Variants in B4GALNT3 observed in about 807,000 individuals in gnomAD.
The protein encoded by B4GALNT3 is beta-1,4-N-acetylgalactosaminyltransferase 3.
B4GALNT3 carries 86 observed loss-of-function variants against 120.2 expected under a neutral mutation model. The ratio of observed to expected loss-of-function variants is 0.72; its 90% confidence interval spans 0.60 to 0.86. The LOEUF (loss-of-function observed/expected upper bound fraction) is 0.86. Ranked by LOEUF, B4GALNT3 falls within the 40% of genes least tolerant of loss-of-function variation. The pLI is 0.00. For missense variants in B4GALNT3, 1,167 were observed against 1,298.9 expected, an observed-to-expected ratio of 0.90 and a Z score of 1.56; for synonymous variants, 518 against 510.4, an observed-to-expected ratio of 1.01 and a Z score of -0.20.
intron 1 of B4GALNT3, among the ~76,000 whole-genome samples, chr12:522,404 A>G (rs1369974572): frequency 6.6e-6 from 1 of 152,230 alleles, no homozygotes; most frequent in East Asian, 1.9e-4. Context: ...GAAAAGCCAG[A>G]CACAAAAGGA....
At chr12:468,855 T>C (rs77085468) in intron 1 of B4GALNT3, among the ~76,000 whole-genome samples, 2,383 of 152,322 alleles carry the variant, frequency 0.016, 29 homozygotes, top group Middle Eastern at 0.031. Flanking sequence ...TGTCTCACTC[T>C]GCACAGCTCA....
At chr12:511,292 G>C (rs1187643741) in intron 1 of B4GALNT3, among the ~76,000 whole-genome samples, 115 of 31,870 alleles carry the variant, frequency 3.6e-3, no homozygotes, top group Middle Eastern at 0.022. Flanking sequence ...TTCCACCTTC[G>C]ACCTTCCACC....
At chr12:532,188 A>G (rs1041624157) in intron 1 of B4GALNT3, among the ~76,000 whole-genome samples, 3 of 152,174 alleles carry the variant, frequency 2.0e-5, no homozygotes, top group African/African-American at 7.2e-5. Context: ...CCTACTCCTT[A>G]AATCCATGAG....
chr12:476,322 A>G (rs544001299), intron 1 of B4GALNT3, among the ~76,000 whole-genome samples: 71 of 152,338 alleles, frequency 4.7e-4, no homozygotes, highest in Middle Eastern at 3.4e-3. Context: ...AGTGGCTCAC[A>G]TCTGTAATCG....
At chr12:505,010 C>A (rs913052404) in intron 1 of B4GALNT3, among the ~76,000 whole-genome samples, 2 of 152,050 alleles carry the variant, frequency 1.3e-5, no homozygotes, top group African/African-American at 4.8e-5. Flanking sequence ...CCTGCCTCAG[C>A]CTCCCGAGTA....
chr12:538,560 CAAAAAA>C (rs771053015), intron 3 of B4GALNT3, among the ~76,000 whole-genome samples: 2 of 64,066 alleles, frequency 3.1e-5, no homozygotes, highest in African/African-American at 1.1e-4. Context: ...AACCCCATCT[CAAAAAA>C]AAAAAAAAAA....
intron 1 of B4GALNT3, among the ~76,000 whole-genome samples, chr12:486,431 A>G (rs1278943060): frequency 2.0e-5 from 3 of 151,846 alleles, no homozygotes; most frequent in African/African-American, 7.3e-5. Flanking sequence ...GCTGGTCTTG[A>G]ACTCCTGACC....
chr12:512,553 G>GTCCTTCC (rs1379437749), intron 1 of B4GALNT3, among the ~76,000 whole-genome samples: 4 of 56,042 alleles, frequency 7.1e-5, no homozygotes, highest in East Asian at 6.1e-4. Context: ...TTCCACCTTC[G>GTCCTTCC]ACCTTCCACC....
rs929394997 is a variant in B4GALNT3 at position 549,973 on chromosome 12, C to T, written c.997+61C>T. On this transcript the variant is annotated intron_variant, in intron 10 of 19. Coordinates refer to ENST00000266383, the MANE Select transcript of B4GALNT3 (RefSeq NM_173593.4). ...GGACACTGCACTGCCAGGTCCACTG[C>T]TGATGGTGGAGAAGGCTTGAGAGAC... The T allele has an allele frequency of 7.2e-6, 11 of 1,524,268 alleles. No individual in the cohort carries two copies. In the Admixed American group the frequency reaches 7.9e-5, roughly 11 times the overall value. 94.4% of individuals were successfully genotyped at this position (1,524,268 alleles called of 1,614,324 possible). A position where few individuals can be genotyped will look rare whatever the true frequency, so the allele number is the denominator to read the frequency against.
At chr12:506,577 T>C (rs962103703) in intron 1 of B4GALNT3, among the ~76,000 whole-genome samples, 4 of 152,182 alleles carry the variant, frequency 2.6e-5, no homozygotes, top group African/African-American at 4.8e-5. Flanking sequence ...GCCTCTGTGA[T>C]GCCTGTACAC....
At chr12:541,927 G>A (rs1436497485) in intron 3 of B4GALNT3, among the ~76,000 whole-genome samples, 5 of 147,348 alleles carry the variant, frequency 3.4e-5, no homozygotes, top group African/African-American at 1.3e-4. Flanking sequence ...CTCCCCCACT[G>A]CCCTCCCTCC....
chr12:553,724 G>GGACA lies in B4GALNT3; in HGVS notation c.1802_1805dup (p.Val603ThrfsTer19). 6.2e-7 allele frequency: 1 copy of GGACA among 1,614,170 alleles called. No individual in the cohort carries two copies. The highest frequency in any genetic ancestry group is 8.5e-7 in the Non-Finnish European group (1 of 1,179,992). ...AGTGGTGGCGGCCGCAGGCCAGGAA[G>GGACA]GACAAGTGGAGGGAGAGGAAGAGGG... On this transcript the variant is annotated frameshift_variant, in exon 14 of 20. Coordinates refer to ENST00000266383, the MANE Select transcript of B4GALNT3 (RefSeq NM_173593.4). LOFTEE classifies it high-confidence loss of function.
chr12:519,647 A>C (rs1219572281), intron 1 of B4GALNT3, among the ~76,000 whole-genome samples: 1 of 146,720 alleles, frequency 6.8e-6, no homozygotes, highest in Non-Finnish European at 1.5e-5. Flanking sequence ...TCCCATCCCA[A>C]GCAGTTTTTA....
At chr12:497,187 CTT>C (rs2120525172) in intron 1 of B4GALNT3, among the ~76,000 whole-genome samples, 1 of 151,190 alleles carries the variant, frequency 6.6e-6, no homozygotes, top group East Asian at 2.0e-4. Flanking sequence ...GAGTTTCGCT[CTT>C]GTTGCCCAGG....
intron 1 of B4GALNT3, among the ~76,000 whole-genome samples, chr12:483,424 C>T (rs1398860432): frequency 6.6e-6 from 1 of 152,166 alleles, no homozygotes. Flanking sequence ...TGGCTGGACA[C>T]AGTGGCTCAT....
intron 1 of B4GALNT3, among the ~76,000 whole-genome samples, chr12:512,380 C>G (rs1328733655): frequency 7.0e-6 from 1 of 143,300 alleles, no homozygotes. Context: ...CCACCTTCCA[C>G]CTTCCACCTT....
intron 14 of B4GALNT3, 78 bp from the exon 15 acceptor site, chr12:556,469 T>C: frequency 1.4e-6 from 2 of 1,402,088 alleles, no homozygotes; most frequent in South Asian, 1.3e-5. Context: ...ACAACTAGCT[T>C]TGCAGGCTTC....
At position 501,267 on chromosome 12, in the gene B4GALNT3, A is replaced by G. The variant is rs1050322544; in HGVS notation, c.170-33899A>G. Among the ~76,000 whole-genome samples, 6 of 152,314 alleles carry G rather than the reference A, an allele frequency of 3.9e-5. No individual in the cohort carries two copies. The East Asian group carries it at 5.8e-4, about 15-fold the overall frequency. ...TTCCATAAAAGAGGGTCTTTCCTCC[A>G]TAAAAAGGAATACTACTACTAAAAC... On this transcript the variant is annotated intron_variant, in intron 1 of 19. Coordinates refer to ENST00000266383, the MANE Select transcript of B4GALNT3 (RefSeq NM_173593.4).
At chr12:537,003 T>A (rs1946867844) in intron 3 of B4GALNT3, among the ~76,000 whole-genome samples, 2 of 152,238 alleles carry the variant, frequency 1.3e-5, no homozygotes, top group African/African-American at 4.8e-5. Context: ...CTTGCCTTCC[T>A]GGAAATGTAC....
Sources: gnomAD v4.1 joint callset for allele counts (sites outside exome capture counted in the v4.1 genomes callset) on GRCh38, gnomAD v4.1.1 for gene constraint, MANE v1.5 for transcripts, NCBI Gene and HGNC (gene_info 2026-07-23, HGNC 2026-07-21) for gene names.